The following LCLAT1 variants were observed in gnomAD, a reference collection of about 807,000 sequenced individuals.
The protein encoded by LCLAT1 is lysocardiolipin acyltransferase 1.
In LCLAT1, 11 loss-of-function variants were observed where a neutral mutation model predicts 30.7. The observed-to-expected ratio is 0.36, with a 90% confidence interval of 0.23 to 0.59. The LOEUF is 0.59. Among genes scored for constraint, LCLAT1 ranks in the 20% least tolerant of loss-of-function variants. The pLI, the probability that LCLAT1 is intolerant of heterozygous loss-of-function variation, is 0.77. For missense variants in LCLAT1, 402 were observed against 458.6 expected (o/e 0.88, Z 1.13); for synonymous variants, 155 against 151.3 (o/e 1.02, Z -0.18).
In LCLAT1 at chr2:30,473,349, C is replaced by T; in HGVS notation, c.-5+25966C>T. Among the ~76,000 whole-genome samples, 2 of 152,124 alleles carry T rather than the reference C, an allele frequency of 1.3e-5. 1 individual carries two copies. The highest frequency in any genetic ancestry group is 1.3e-4 in the Admixed American group (2 of 15,268). ...AAAAGGAATCTGAATCTATTACGAT[C>T]TTTCTTTTAAGTTAGTGTCCTTGGG... On this transcript the variant is annotated intron_variant, in intron 1 of 5. Transcript: ENST00000379509.
At chr2:30,584,945 TCAAA>T (rs1558536111) in intron 5 of LCLAT1, among the ~76,000 whole-genome samples, 1 of 46,576 alleles carries the variant, frequency 2.1e-5, no homozygotes, top group African/African-American at 1.0e-4. Flanking sequence ...TTACTATATT[TCAAA>T]AAAAAAAAAA....
chr2:30,450,770 G>T (rs982008601), intron 1 of LCLAT1, among the ~76,000 whole-genome samples: 3 of 152,140 alleles, frequency 2.0e-5, no homozygotes, highest in Non-Finnish European at 4.4e-5. Flanking sequence ...AACCATAAGC[G>T]CAAATAAAGG....
chr2:30,543,760 C>T (rs951117001), intron 3 of LCLAT1, among the ~76,000 whole-genome samples: 3 of 151,968 alleles, frequency 2.0e-5, no homozygotes, highest in Non-Finnish European at 4.4e-5. Flanking sequence ...TTTTATTTCT[C>T]ACTTTTCTTG....
chr2:30,507,036 T>A (rs1684698122), intron 1 of LCLAT1, among the ~76,000 whole-genome samples: 1 of 152,146 alleles, frequency 6.6e-6, no homozygotes, highest in Admixed American at 6.5e-5. Context: ...TTTAAAATAT[T>A]TCTATTTTTA....
At chr2:30,563,131 A>C (rs923331995) in intron 4 of LCLAT1, among the ~76,000 whole-genome samples, 1 of 151,708 alleles carries the variant, frequency 6.6e-6, no homozygotes, top group African/African-American at 2.4e-5. Context: ...ACAGCCTTGA[A>C]CTCCTGGGCT....
chr2:30,502,282 C>T (rs755343494), intron 1 of LCLAT1, among the ~76,000 whole-genome samples: 7 of 152,014 alleles, frequency 4.6e-5, no homozygotes, highest in Non-Finnish European at 8.8e-5. Context: ...TCTCTTTTTC[C>T]TTTGGCATTC....
chr2:30,536,261 G>A (rs1266869969), intron 3 of LCLAT1, among the ~76,000 whole-genome samples: 2 of 152,186 alleles, frequency 1.3e-5, no homozygotes, highest in Non-Finnish European at 2.9e-5. Flanking sequence ...AGTCTTGGGA[G>A]TAATATGGAC....
chr2:30,467,514 C>G (rs563515230), intron 1 of LCLAT1, among the ~76,000 whole-genome samples: 18 of 152,370 alleles, frequency 1.2e-4, no homozygotes, highest in African/African-American at 4.3e-4. Context: ...AATCGCCACA[C>G]TGTCTTCCAC....
chr2:30,633,503 A>G (rs1010797937), intron 5 of LCLAT1, among the ~76,000 whole-genome samples: 2 of 152,144 alleles, frequency 1.3e-5, no homozygotes, highest in Admixed American at 1.3e-4. Context: ...CCTGGCCAAC[A>G]TGGTAAAACT....
At chr2:30,543,108 A>G (rs1664229273) in intron 3 of LCLAT1, among the ~76,000 whole-genome samples, 1 of 151,954 alleles carries the variant, frequency 6.6e-6, no homozygotes, top group Admixed American at 6.6e-5. Flanking sequence ...TAGATTTTTC[A>G]CAGATGCTCT....
intron 5 of LCLAT1, among the ~76,000 whole-genome samples, chr2:30,626,653 C>T (rs527327326): frequency 6.6e-6 from 1 of 152,022 alleles, no homozygotes. Flanking sequence ...TGCTTTTTAT[C>T]TTTAGTAATT....
chr2:30,456,029 G>T (rs939626866), intron 1 of LCLAT1, among the ~76,000 whole-genome samples: 1 of 150,676 alleles, frequency 6.6e-6, no homozygotes, highest in Non-Finnish European at 1.5e-5. Flanking sequence ...TTAATGAAAT[G>T]TTCTGGGCCA....
intron 3 of LCLAT1, among the ~76,000 whole-genome samples, chr2:30,552,079 C>G (rs1664705776): frequency 6.6e-6 from 1 of 152,174 alleles, no homozygotes; most frequent in Admixed American, 6.5e-5. Flanking sequence ...TTAATTGCTA[C>G]TGGGATGTCT....
intron 5 of LCLAT1, among the ~76,000 whole-genome samples, chr2:30,588,900 A>T (rs2148475603): frequency 6.6e-6 from 1 of 152,286 alleles, no homozygotes; most frequent in South Asian, 2.1e-4. Context: ...GCGCCCTGCC[A>T]CTTTCTGCCC....
At chr2:30,555,954 C>G (rs946917834) in intron 3 of LCLAT1, among the ~76,000 whole-genome samples, 2 of 151,334 alleles carry the variant, frequency 1.3e-5, no homozygotes, top group African/African-American at 4.9e-5. Context: ...TCTCCTGCCT[C>G]AGCCTCCGGA....
intron 5 of LCLAT1, among the ~76,000 whole-genome samples, chr2:30,631,475 C>T (rs1343447743): frequency 2.6e-5 from 4 of 152,146 alleles, no homozygotes; most frequent in Non-Finnish European, 5.9e-5. Context: ...ATGCCCTACA[C>T]CACACTTGGC....
At chr2:30,615,843 G>C (rs529705417) in intron 5 of LCLAT1, among the ~76,000 whole-genome samples, 2 of 152,302 alleles carry the variant, frequency 1.3e-5, no homozygotes, top group East Asian at 3.9e-4. Flanking sequence ...TACTAAATCA[G>C]ATTACTTGCC....
chr2:30,463,535 C>G (rs1393356475), intron 1 of LCLAT1, among the ~76,000 whole-genome samples: 1 of 152,158 alleles, frequency 6.6e-6, no homozygotes, highest in Non-Finnish European at 1.5e-5. Context: ...TTCAACCAAC[C>G]ATGGATCAAA....
rs72540466 is a variant in LCLAT1, at chr2:30,541,457, C to CG, written c.364+8143_364+8144insG. ...AGAAAGAGACTTCTTGTTTATCCCC[C>CG]CAAATAGCTACTAAGCCCAGTACTC... On this transcript the variant is annotated intron_variant, in intron 3 of 5. Transcript: ENST00000379509. Among the ~76,000 whole-genome samples, 96 of 152,026 alleles carry CG rather than the reference C, an allele frequency of 6.3e-4. No individual in the cohort carries two copies. In the East Asian group the frequency reaches 0.015, roughly 24 times the overall value.
Sources: gnomAD v4.1 joint callset for allele counts (sites outside exome capture counted in the v4.1 genomes callset) on GRCh38, gnomAD v4.1.1 for gene constraint, MANE v1.5 for transcripts, NCBI Gene and HGNC (gene_info 2026-07-23, HGNC 2026-07-21) for gene names.